PPP3CC: variants seen among roughly 807,000 people sequenced by gnomAD.
PPP3CC encodes protein phosphatase 3 catalytic subunit gamma.
Under a neutral mutation model 60.3 loss-of-function variants are expected in PPP3CC, and 35 were observed. That is an observed-to-expected ratio of 0.58 (90% CI 0.44 to 0.77). The LOEUF is 0.77. Ranked by LOEUF, PPP3CC falls within the 30% of genes least tolerant of loss-of-function variation. PPP3CC has a pLI of 0.00. For missense variants in PPP3CC, 570 were observed against 628.9 expected, an observed-to-expected ratio of 0.91 and a Z score of 1.00; for synonymous variants, 206 against 224.3, an observed-to-expected ratio of 0.92 and a Z score of 0.73.
Position 22,505,226 on chromosome 8 carries a change from T to C in PPP3CC, c.485-5860T>C, listed in dbSNP as rs1586842963. On this transcript the variant is annotated intron_variant, in intron 4 of 13. Coordinates refer to ENST00000240139, the MANE Select transcript of PPP3CC (RefSeq NM_005605.5). ...ATTTTTAGTAGAGACAGGGTTTCACTATGTTGGTCAGGCTGGTCTCAAACT... is the reference window on the plus strand; with the variant it reads ...ATTTTTAGTAGAGACAGGGTTTCACCATGTTGGTCAGGCTGGTCTCAAACT... 2.0e-5 allele frequency among the ~76,000 whole-genome samples: 3 copies of C among 152,010 alleles called. No individual in the cohort carries two copies. The East Asian group carries it at 5.8e-4, about 29-fold the overall frequency.
chr8:22,494,316 A>G (rs910459200), intron 3 of PPP3CC, among the ~76,000 whole-genome samples: 1 of 152,184 alleles, frequency 6.6e-6, no homozygotes, highest in Non-Finnish European at 1.5e-5. Context: ...GCAAAAGTGG[A>G]AACCCCTGAT....
chr8:22,530,316 G>A (rs1839670626), intron 10 of PPP3CC, among the ~76,000 whole-genome samples: 1 of 151,446 alleles, frequency 6.6e-6, no homozygotes, highest in Non-Finnish European at 1.5e-5. Context: ...TCAACCAGAT[G>A]TGATGGCGAG....
intron 12 of PPP3CC, among the ~76,000 whole-genome samples, chr8:22,534,206 A>AAC (rs1839791712): frequency 6.6e-6 from 1 of 151,628 alleles, no homozygotes; most frequent in Admixed American, 6.6e-5. Context: ...CAAAAAAAAA[A>AAC]AAAAAAACAA....
intron 1 of PPP3CC, among the ~76,000 whole-genome samples, chr8:22,447,404 G>A (rs1472617621): frequency 6.6e-6 from 1 of 151,700 alleles, no homozygotes; most frequent in South Asian, 2.1e-4. Flanking sequence ...GGATGGTCTC[G>A]GTCTCCTGAC....
intron 1 of PPP3CC, among the ~76,000 whole-genome samples, chr8:22,460,857 AT>A (rs1442385704): frequency 6.6e-6 from 1 of 151,936 alleles, no homozygotes; most frequent in Non-Finnish European, 1.5e-5. Context: ...TTATTTATTT[AT>A]TTTTTGAGAT....
intron 3 of PPP3CC, among the ~76,000 whole-genome samples, chr8:22,491,890 A>G (rs974702332): frequency 6.6e-6 from 1 of 152,182 alleles, no homozygotes; most frequent in Non-Finnish European, 1.5e-5. Flanking sequence ...TATATTCTCT[A>G]CTTGTTGAGC....
intron 3 of PPP3CC, among the ~76,000 whole-genome samples, chr8:22,492,368 T>C (rs1838431505): frequency 6.6e-6 from 1 of 152,220 alleles, no homozygotes. Context: ...AAGACATTGC[T>C]GTATACTACC....
chr8:22,442,795 A>G (rs1836711368), intron 1 of PPP3CC, among the ~76,000 whole-genome samples: 2 of 152,328 alleles, frequency 1.3e-5, no homozygotes, highest in East Asian at 1.9e-4. Context: ...CAAGGTCATT[A>G]TGTACATTAA....
At chr8:22,508,431 T>C (rs1838989516) in intron 4 of PPP3CC, among the ~76,000 whole-genome samples, 1 of 152,084 alleles carries the variant, frequency 6.6e-6, no homozygotes, top group South Asian at 2.1e-4. Flanking sequence ...TTTGAAAAAA[T>C]AAACATGGTG....
chr8:22,495,630 C>A (rs1838546210), intron 3 of PPP3CC, among the ~76,000 whole-genome samples: 1 of 152,032 alleles, frequency 6.6e-6, no homozygotes, highest in African/African-American at 2.4e-5. Context: ...GCTATCTCGG[C>A]TTACTTCAAC....
chr8:22,496,804 G>C (rs1240738705), intron 3 of PPP3CC, among the ~76,000 whole-genome samples: 6 of 151,830 alleles, frequency 4.0e-5, no homozygotes, highest in African/African-American at 1.5e-4. Flanking sequence ...GCTGAGAACT[G>C]TAATCTTTTC....
rs567780418 is a variant in PPP3CC, at chr8:22,527,651, T to C, written c.1069+134T>C. ...TCTACATAGATTTTTTTTTTTTTTT[T>C]CTGAGATGGAGTCTCGCTCTGTCAC... On this transcript the variant is annotated intron_variant, in intron 9 of 13. Coordinates refer to ENST00000240139, the MANE Select transcript of PPP3CC (RefSeq NM_005605.5). The C allele has an allele frequency of 2.3e-3, 2,402 of 1,034,564 alleles. 9 individuals carry two copies. Among genetic ancestry groups the C allele is most frequent in the Non-Finnish European group, 3.0e-3 (2,180 of 735,306 alleles). 64.1% of individuals were successfully genotyped at this position (1,034,564 alleles called of 1,614,324 possible). A position where few individuals can be genotyped will look rare whatever the true frequency, so the allele number is the denominator to read the frequency against.
chr8:22,507,201 T>C (rs1305737082), intron 4 of PPP3CC, among the ~76,000 whole-genome samples: 2 of 152,200 alleles, frequency 1.3e-5, no homozygotes, highest in East Asian at 1.9e-4. Flanking sequence ...TTGTGATTTC[T>C]TGCAAGTAGT....
At chr8:22,477,447 C>T (rs1837925047) in intron 3 of PPP3CC, among the ~76,000 whole-genome samples, 1 of 149,678 alleles carries the variant, frequency 6.7e-6, no homozygotes, top group South Asian at 2.1e-4. Flanking sequence ...ACACTCCAGC[C>T]TGGGTGACAG....
At chr8:22,454,159 T>C (rs1251053269) in intron 1 of PPP3CC, among the ~76,000 whole-genome samples, 2 of 152,236 alleles carry the variant, frequency 1.3e-5, no homozygotes, top group Non-Finnish European at 2.9e-5. Context: ...CATATAGCTG[T>C]ACATATTTTC....
At chr8:22,443,075 GC>G (rs1836721093) in intron 1 of PPP3CC, among the ~76,000 whole-genome samples, 1 of 152,114 alleles carries the variant, frequency 6.6e-6, no homozygotes, top group African/African-American at 2.4e-5. Flanking sequence ...GCTTAGTGCA[GC>G]CCTCAGGAAT....
intron 1 of PPP3CC, among the ~76,000 whole-genome samples, chr8:22,466,286 G>T (rs1166026980): frequency 6.6e-6 from 1 of 152,190 alleles, no homozygotes; most frequent in Non-Finnish European, 1.5e-5. Context: ...GAGCAGTGCT[G>T]CAATAAACAT....
At position 22,441,282 on chromosome 8, in the gene PPP3CC, AG is replaced by A. The variant is rs1836657318; in HGVS notation, c.-126del. On this transcript the variant is annotated 5_prime_UTR_variant, in exon 1 of 14. Transcript: ENST00000240139. ...CCCTTCTGGTGCTCGGACACCGCTG[AG>A]GAGCCGGGGCCGGGCACGGCTGGCT... The A allele has an allele frequency of 2.3e-6, 2 of 880,946 alleles. No individual in the cohort carries two copies. Among genetic ancestry groups the A allele is most frequent in the Non-Finnish European group, 3.2e-6 (2 of 620,286 alleles). 54.6% of individuals were successfully genotyped at this position (880,946 alleles called of 1,614,324 possible). A position where few individuals can be genotyped will look rare whatever the true frequency, so the allele number is the denominator to read the frequency against.
chr8:22,537,951 G>T (rs888927574), intron 12 of PPP3CC, among the ~76,000 whole-genome samples: 19 of 152,174 alleles, frequency 1.2e-4, no homozygotes, highest in Non-Finnish European at 2.2e-4. Context: ...TTCTCATTGG[G>T]GCAATGAAAA....
Sources: allele counts gnomAD v4.1 joint callset (sites outside exome capture counted in the v4.1 genomes callset), GRCh38; gene constraint gnomAD v4.1.1; transcripts MANE v1.5; gene names NCBI Gene and HGNC (gene_info 2026-07-23, HGNC 2026-07-21).